The following RSAD2 variants were observed in gnomAD, a reference collection of about 807,000 sequenced individuals.
RSAD2 encodes the protein S-adenosylmethionine-dependent nucleotide dehydratase RSAD2.
Under a neutral mutation model 37.7 loss-of-function variants are expected in RSAD2, and 38 were observed. The observed-to-expected ratio is 1.01, with a 90% CI of 0.78 to 1.32. The LOEUF (loss-of-function observed/expected upper bound fraction) is 1.32. Among genes scored for constraint, RSAD2 ranks in the 40% most tolerant of loss-of-function variants. The pLI is 0.00. For synonymous variants in RSAD2, 163 were observed against 157.4 expected (o/e 1.04, Z -0.27); for missense variants, 428 against 437.5 (o/e 0.98, Z 0.19).
At chr2:6,873,220 T>C (rs1277184243), upstream of RSAD2, among the ~76,000 whole-genome samples, 1 of 152,212 alleles carries the variant, frequency 6.6e-6, no homozygotes, top group Non-Finnish European at 1.5e-5. Context: ...TTTACACTCT[T>C]GGCTTTTCTT....
intron 5 of RSAD2, 80 bp downstream of exon 5, chr2:6,893,783 T>C (rs2103249410): frequency 4.1e-6 from 4 of 966,546 alleles, no homozygotes; most frequent in Middle Eastern, 2.7e-4. Context: ...TCCATGAGCA[T>C]AACTATCTAG....
At chr2:6,866,396 GTGCACACACTCACCTT>G (rs1407878356) in intron 1 of RSAD2, 44 of 974,008 alleles carry the variant, frequency 4.5e-5, no homozygotes, top group Middle Eastern at 5.2e-4. Flanking sequence ...TCACTCACCT[GTGCACACACTCACCTT>G]TGCACACACT....
At chr2:6,893,776 A>G in intron 5 of RSAD2, 73 bp downstream of exon 5, 2 of 1,060,102 alleles carry the variant, frequency 1.9e-6, no homozygotes, top group South Asian at 1.3e-5. Flanking sequence ...GTTGAGTTCC[A>G]TGAGCATAAC....
chr2:6,893,186 T>C (rs933622938), intron 4 of RSAD2, among the ~76,000 whole-genome samples: 15 of 152,222 alleles, frequency 9.9e-5, no homozygotes, highest in African/African-American at 3.6e-4. Flanking sequence ...TATATACCTA[T>C]AGAAGTCATA....
At chr2:6,869,523 A>G (rs1663168126) in intron 1 of RSAD2, among the ~76,000 whole-genome samples, 1 of 152,224 alleles carries the variant, frequency 6.6e-6, no homozygotes, top group Non-Finnish European at 1.5e-5. Context: ...GGAAAGCCAA[A>G]GAGGTTAAAG....
At chr2:6,873,793 G>A (rs79073167), upstream of RSAD2, among the ~76,000 whole-genome samples, 263 of 152,188 alleles carry the variant, frequency 1.7e-3, 2 homozygotes, top group East Asian at 6.7e-3. Context: ...AAATGATTAG[G>A]CTTATTTGGC....
In RSAD2 at chr2:6,886,884, A is replaced by T. The variant is rs1242528951; in HGVS notation, c.509-51A>T. 5 of 1,396,302 alleles carry T rather than the reference A, an allele frequency of 3.6e-6. No individual in the cohort carries two copies. In the East Asian group the frequency reaches 6.9e-5, roughly 19 times the overall value. 86.5% of individuals were successfully genotyped at this position (1,396,302 alleles called of 1,614,324 possible). The stretch of plus-strand genomic sequence containing the variant: ...TATCACAAGAGATCTAAATAGCCCA[A>T]GGGGCTTGGTCCTTGGATAGAAAAG... On this transcript the variant is annotated intron_variant, in intron 2 of 5. Transcript: ENST00000382040.
At chr2:6,873,397 C>G (rs1663232425), upstream of RSAD2, among the ~76,000 whole-genome samples, 2 of 152,174 alleles carry the variant, frequency 1.3e-5, no homozygotes, top group Non-Finnish European at 2.9e-5. Flanking sequence ...TTCAAATACC[C>G]TTCACACCAG....
At chr2:6,885,384 A>G (rs932836498) in intron 2 of RSAD2, among the ~76,000 whole-genome samples, 2 of 152,204 alleles carry the variant, frequency 1.3e-5, no homozygotes, top group African/African-American at 4.8e-5. Flanking sequence ...GACCCCAACA[A>G]CGCAACCAAG....
chr2:6,870,720 C>G (rs1403284719), intron 1 of RSAD2, among the ~76,000 whole-genome samples: 2 of 152,148 alleles, frequency 1.3e-5, no homozygotes, highest in Non-Finnish European at 2.9e-5. Flanking sequence ...GAGGACTTTC[C>G]CTGTTGGCCC....
intron 2 of RSAD2, among the ~76,000 whole-genome samples, chr2:6,885,274 A>G (rs1663495631): frequency 4.6e-5 from 7 of 152,176 alleles, no homozygotes; most frequent in Admixed American, 4.6e-4. Flanking sequence ...ATGTCTTTGC[A>G]CAGGAAGGTC....
chr2:6,894,048 G>A (rs1341287588), intron 5 of RSAD2, among the ~76,000 whole-genome samples: 1 of 152,198 alleles, frequency 6.6e-6, no homozygotes, highest in Non-Finnish European at 1.5e-5. Flanking sequence ...CTGGGCTGGA[G>A]GCTCTCCTGA....
intron 1 of RSAD2, among the ~76,000 whole-genome samples, chr2:6,867,835 C>A (rs145077365): frequency 6.6e-6 from 1 of 152,128 alleles, no homozygotes; most frequent in African/African-American, 2.4e-5. Flanking sequence ...CTTCGCCCTA[C>A]GAAGAGATGT....
chr2:6,866,699 T>C (rs1178984644), intron 1 of RSAD2: 2 of 152,556 alleles, frequency 1.3e-5, no homozygotes, highest in African/African-American at 4.8e-5. Flanking sequence ...CATTAACTGA[T>C]GCCTTTTAAA....
At chr2:6,877,745 T>G, upstream of RSAD2, 1 of 1,360,312 alleles carries the variant, frequency 7.4e-7, no homozygotes, top group Non-Finnish European at 1.0e-6. Context: ...TTTCCATCCC[T>G]ATATAAAGAG....
chr2:6,885,064 A>G (rs1217871866), intron 2 of RSAD2, among the ~76,000 whole-genome samples: 1 of 152,162 alleles, frequency 6.6e-6, no homozygotes, highest in African/African-American at 2.4e-5. Flanking sequence ...AATTTGCTAG[A>G]AGGACTTCCA....
At position 6,888,342 on chromosome 2, in the gene RSAD2, A is replaced by G. The variant is rs928785868; in HGVS notation, c.738+1178A>G. On this transcript the variant is annotated intron_variant, in intron 3 of 5. Transcript: ENST00000382040. Reference sequence around the variant, plus strand: ...TGAACTTTTGGTTACATATATAAGGATATGAATTATCAGCCACATTCCCAG... The same window carrying G: ...TGAACTTTTGGTTACATATATAAGGGTATGAATTATCAGCCACATTCCCAG... Among the ~76,000 whole-genome samples, 7 of 152,198 alleles carry G rather than the reference A, an allele frequency of 4.6e-5. No individual in the cohort carries two copies. In the East Asian group the frequency reaches 1.2e-3, roughly 25 times the overall value.
intron 1 of RSAD2, chr2:6,866,384 A>G: frequency 1.1e-6 from 1 of 942,536 alleles, no homozygotes; most frequent in Non-Finnish European, 1.3e-6. Context: ...TCACCTGTGC[A>G]CTCACTCACC....
intron 1 of RSAD2, among the ~76,000 whole-genome samples, chr2:6,882,357 G>C (rs1663422181): frequency 6.6e-6 from 1 of 152,166 alleles, no homozygotes; most frequent in Non-Finnish European, 1.5e-5. Flanking sequence ...GCCTGGAAAG[G>C]AATAGTCAGA....
Sources: allele counts gnomAD v4.1 joint callset (sites outside exome capture counted in the v4.1 genomes callset), GRCh38; gene constraint gnomAD v4.1.1; transcripts MANE v1.5; gene names NCBI Gene and HGNC (gene_info 2026-07-23, HGNC 2026-07-21).